PIP4P1: variants seen among roughly 807,000 people sequenced by gnomAD.
The protein encoded by PIP4P1 is phosphatidylinositol-4,5-bisphosphate 4-phosphatase 1, also known as type 1 phosphatidylinositol 4,5-bisphosphate 4-phosphatase.
PIP4P1 carries 14 observed loss-of-function variants against 32.3 expected under a neutral mutation model. That is an observed-to-expected ratio of 0.43 (90% CI 0.29 to 0.68). The LOEUF (loss-of-function observed/expected upper bound fraction) is 0.68, where lower values mean the gene tolerates loss of function less well. Ranked by LOEUF, PIP4P1 falls within the 30% of genes least tolerant of loss-of-function variation. The pLI is 0.15. For missense variants in PIP4P1, 289 were observed against 364.5 expected (o/e 0.79, Z 1.69); for synonymous variants, 132 against 137.9 (o/e 0.96, Z 0.30).
intron 3 of PIP4P1, 28 bp from the exon 4 acceptor site, chr14:20,459,761 T>G (rs1463008634): frequency 6.3e-7 from 1 of 1,597,244 alleles, no homozygotes; most frequent in Non-Finnish European, 8.6e-7. Context: ...ACTTGTATTT[T>G]CAAACTTGTG....
chr14:20,457,832 C>G lies in PIP4P1; in HGVS notation c.*727G>C. 2.5e-6 allele frequency: 1 copy of G among 406,974 alleles called. No individual in the cohort carries two copies. The highest frequency in any genetic ancestry group is 4.6e-6 in the Non-Finnish European group (1 of 217,744). 25.2% of individuals were successfully genotyped at this position (406,974 alleles called of 1,614,324 possible). On this transcript the variant is annotated 3_prime_UTR_variant, in exon 7 of 7. Transcript: ENST00000250489. ...ACATTCTCTTCCTCATATTTTCATG[C>G]ACACAAGTTAACAACTGAAAAAGCG...
intron 6 of PIP4P1, 101 bp from the exon 7 acceptor site, chr14:20,458,803 C>T: frequency 6.9e-7 from 1 of 1,445,670 alleles, no homozygotes; most frequent in Non-Finnish European, 9.3e-7. Context: ...ACGCTTCAGT[C>T]CTTGTTCCTT....
intron 2 of PIP4P1, 155 bp from the exon 3 acceptor site, chr14:20,460,453 G>A: frequency 1.3e-6 from 1 of 749,434 alleles, no homozygotes; most frequent in Non-Finnish European, 2.2e-6. Flanking sequence ...ATAGGAACTA[G>A]GCTAGGTGTA....
In PIP4P1 at chr14:20,459,427, GTGAACTCTGTCCACTA is replaced by G; in HGVS notation, c.547-3_559del. ...AGGACAACGTGCCAAAGTGCGGTCT[GTGAACTCTGTCCACTA>G]TGGAGAAAGAAAACAAAAATAATAG... On this transcript the variant is annotated splice_acceptor_variant and splice_polypyrimidine_tract_variant and coding_sequence_variant and intron_variant, in exon 5 of 7. Coordinates refer to ENST00000250489, the MANE Select transcript of PIP4P1 (RefSeq NM_144568.4). LOFTEE classifies it high-confidence loss of function. 6.2e-7 allele frequency: 1 copy of G among 1,614,186 alleles called. No individual in the cohort carries two copies. The highest frequency in any genetic ancestry group is 8.5e-7 in the Non-Finnish European group (1 of 1,180,028).
At chr14:20,460,530 T>TAG (rs1881661121) in intron 2 of PIP4P1, 125 bp downstream of exon 2, 1 of 1,031,606 alleles carries the variant, frequency 9.7e-7, no homozygotes, top group Admixed American at 2.6e-5. Context: ...GTGAGACACC[T>TAG]GGAACTGAAA....
Position 20,458,498 on chromosome 14 carries a change from C to T in PIP4P1, c.*61G>A. On this transcript the variant is annotated 3_prime_UTR_variant, in exon 7 of 7. Transcript: ENST00000250489. ...CGGGAGCCTTTAACTACCCCAGCTCCCTTCGTAGTGTCACTGTCCCCACCA... is the reference window on the plus strand; with the variant it reads ...CGGGAGCCTTTAACTACCCCAGCTCTCTTCGTAGTGTCACTGTCCCCACCA... The T allele has an allele frequency of 6.2e-7, 1 of 1,604,172 alleles. No individual in the cohort carries two copies. The highest frequency in any genetic ancestry group is 8.5e-7 in the Non-Finnish European group (1 of 1,174,910).
chr14:20,458,360 A>T lies in PIP4P1; in HGVS notation c.*199T>A. On this transcript the variant is annotated 3_prime_UTR_variant, in exon 7 of 7. Coordinates refer to ENST00000250489, the MANE Select transcript of PIP4P1 (RefSeq NM_144568.4). ...GACACAGCAACCCTTGGAGGAAAGC[A>T]GATGGTCAGCAGTGCTCTTATCTGC... 1 of 776,908 alleles carries T rather than the reference A, an allele frequency of 1.3e-6. No individual in the cohort carries two copies. Among genetic ancestry groups the T allele is most frequent in the Non-Finnish European group, 2.2e-6 (1 of 454,238 alleles). 48.1% of individuals were successfully genotyped at this position (776,908 alleles called of 1,614,324 possible). A position where few individuals can be genotyped will look rare whatever the true frequency, so the allele number is the denominator to read the frequency against.
rs755106333 is a variant in PIP4P1, at chr14:20,460,821, T to C, written c.167A>G (p.His56Arg). ...GAAFPPFPEG[H>R]PAVLPGEDPP... The stretch of plus-strand genomic sequence containing the variant: ...GTCCTCCCCAGGCAACACGGCTGGA[T>C]GCCCCTCGGGAAACGGGGGAAATGC... The change falls in exon 2 of 7, where the codon CAT becomes CGT. Residue 56 changes from histidine to arginine, a missense_variant. Coordinates refer to ENST00000250489, the MANE Select transcript of PIP4P1 (RefSeq NM_144568.4). 1.0e-5 allele frequency: 16 copies of C among 1,568,214 alleles called. No individual in the cohort carries two copies. The South Asian group carries it at 1.9e-4, about 19-fold the overall frequency.
chr14:20,458,751 G>A, intron 6 of PIP4P1, 49 bp from the exon 7 acceptor site: 3 of 1,582,086 alleles, frequency 1.9e-6, no homozygotes, highest in Non-Finnish European at 2.6e-6. Flanking sequence ...GTTAATGTTG[G>A]TCTCCACTAC....
intron 1 of PIP4P1, 96 bp downstream of exon 1, chr14:20,461,088 C>T: frequency 7.9e-7 from 1 of 1,273,068 alleles, no homozygotes; most frequent in Non-Finnish European, 9.9e-7. Flanking sequence ...CTGGGACCCG[C>T]CTCCGCCCTC....
rs747639034 is a variant in PIP4P1, at chr14:20,461,204, G to A, written c.122C>T (p.Ser41Phe). ...TTTACCGGCTCCGTACGGTGGTGCGGAGGGGGTCAGGCCTCCCCCGGGCCC... is the reference window on the plus strand; with the variant it reads ...TTTACCGGCTCCGTACGGTGGTGCGAAGGGGGTCAGGCCTCCCCCGGGCCC... Reference protein sequence around the residue: ...GAGPGGGLTPSAPPYGAAFPP... With the variant: ...GAGPGGGLTPFAPPYGAAFPP... Residue 41 changes from serine to phenylalanine, a missense_variant, in exon 1 of 7, where the codon TCC (serine) becomes TTC (phenylalanine). By Grantham distance (155) the Ser-to-Phe change is radical. This residue lies in a region of PIP4P1 where 108 missense variants were observed against 101.2 expected (regional missense o/e 1.07). Coordinates refer to ENST00000250489, the MANE Select transcript of PIP4P1 (RefSeq NM_144568.4). 12 of 1,256,436 alleles carry A rather than the reference G, an allele frequency of 9.6e-6. No individual in the cohort carries two copies. Among genetic ancestry groups the A allele is most frequent in the East Asian group, 3.1e-5 (1 of 31,990 alleles). The allele number at this position is 1,256,436 out of a possible 1,614,324, so 77.8% of individuals were successfully genotyped here. A position where few individuals can be genotyped will look rare whatever the true frequency, so the allele number is the denominator to read the frequency against.
At position 20,460,739 on chromosome 14, in the gene PIP4P1, G is replaced by A. The variant is rs1881670228; in HGVS notation, c.249C>T (p.Thr83=). 2 of 1,613,688 alleles carry A rather than the reference G, an allele frequency of 1.2e-6. No homozygotes were observed. Among genetic ancestry groups the A allele is most frequent in the Non-Finnish European group, 1.7e-6 (2 of 1,179,838 alleles). ...SPDSGSAPMI[T]CRVCQSLINV... ...TGATGAGAGATTGGCAGACTCGGCAGGTGATCATAGGGGCACTCCCACTGT... is the reference window on the plus strand; with the variant it reads ...TGATGAGAGATTGGCAGACTCGGCAAGTGATCATAGGGGCACTCCCACTGT... Residue 83 remains threonine (T), a synonymous_variant, in exon 2 of 7, where the codon ACC becomes ACT. Coordinates refer to ENST00000250489, the MANE Select transcript of PIP4P1 (RefSeq NM_144568.4).
Position 20,459,530 on chromosome 14 carries a change from G to A in PIP4P1, c.547-90C>T, listed in dbSNP as rs1000544014. On this transcript the variant is annotated intron_variant, in intron 4 of 6. Coordinates refer to ENST00000250489, the MANE Select transcript of PIP4P1 (RefSeq NM_144568.4). ...GGGGATGCAGAACATGTTCCCATAG[G>A]ACAGACCTTTCAGGGGTCATTACCA... 5 of 1,580,066 alleles carry A rather than the reference G, an allele frequency of 3.2e-6. No individual in the cohort carries two copies. In the African/African-American group the frequency reaches 6.7e-5, roughly 21 times the overall value.
intron 6 of PIP4P1, 84 bp downstream of exon 6, chr14:20,459,121 CT>C (rs1566517433): frequency 1.1e-4 from 155 of 1,421,814 alleles, no homozygotes; most frequent in Non-Finnish European, 1.3e-4. Context: ...GTTTCTTCCA[CT>C]TTTTTTTAGG....
At position 20,460,341 on chromosome 14, in the gene PIP4P1, A is replaced by T. The variant is rs751166429; in HGVS notation, c.334-43T>A. 2.1e-6 allele frequency: 3 copies of T among 1,411,346 alleles called. No homozygotes were observed. The Admixed American group carries it at 5.3e-5, about 25-fold the overall frequency. 87.4% of individuals were successfully genotyped at this position (1,411,346 alleles called of 1,614,324 possible). On this transcript the variant is annotated intron_variant, in intron 2 of 6. Coordinates refer to ENST00000250489, the MANE Select transcript of PIP4P1 (RefSeq NM_144568.4). ...CATCAGCAAGCAAACCTCTAATCCC[A>T]ATCCCCTCCACTTCCCTCCAAAAAC...
chr14:20,461,059 G>A (rs1881688391), intron 1 of PIP4P1, 125 bp downstream of exon 1: 6 of 1,283,960 alleles, frequency 4.7e-6, no homozygotes, highest in Non-Finnish European at 5.9e-6. Context: ...CACAGGTGCA[G>A]CAGTCCCGCA....
At chr14:20,459,340 A>G (rs770341711) in intron 5 of PIP4P1, 44 bp from the exon 6 acceptor site, 1 of 1,614,182 alleles carries the variant, frequency 6.2e-7, no homozygotes, top group South Asian at 1.1e-5. Context: ...ATGGCCTTGT[A>G]GTTTTTACTC....
chr14:20,458,237 G>T lies in PIP4P1; in HGVS notation c.*322C>A. The T allele has an allele frequency of 2.1e-6, 1 of 486,558 alleles. No homozygotes were observed. 30.1% of individuals were successfully genotyped at this position (486,558 alleles called of 1,614,324 possible). ...CCCCACCCTGCCCTGGAATGTGTAA[G>T]GGACAGGAATGGCTCTCAGGGAGCA... On this transcript the variant is annotated 3_prime_UTR_variant, in exon 7 of 7. Transcript: ENST00000250489.
chr14:20,460,129 C>G, intron 3 of PIP4P1, 63 bp downstream of exon 3: 1 of 1,235,876 alleles, frequency 8.1e-7, no homozygotes, highest in Non-Finnish European at 1.2e-6. Context: ...TCTCTGTATA[C>G]GCTCATCCTT....
Sources: gnomAD v4.1 joint callset for allele counts on GRCh38, gnomAD v4.1.1 for gene constraint, gnomAD v4.1.1 regional missense constraint, MANE v1.5 for transcripts, NCBI Gene and HGNC (gene_info 2026-07-23, HGNC 2026-07-21) for gene names.